The following SEC14L1 variants were observed in gnomAD, a reference collection of about 807,000 sequenced individuals.
SEC14L1 encodes the protein SEC14-like protein 1.
Under a neutral mutation model 85.3 loss-of-function variants are expected in SEC14L1, and 48 were observed. The ratio of observed to expected loss-of-function variants is 0.56; its 90% CI spans 0.45 to 0.72. The LOEUF (loss-of-function observed/expected upper bound fraction) is 0.72, where lower values mean the gene tolerates loss of function less well. SEC14L1 is among the 30% of genes least tolerant of loss of function. The pLI, the probability that SEC14L1 is intolerant of heterozygous loss-of-function variation, is 0.00. For synonymous variants in SEC14L1, 391 were observed against 355.5 expected, an observed-to-expected ratio of 1.10 and a Z score of -1.12; for missense variants, 682 against 921.4, an observed-to-expected ratio of 0.74 and a Z score of 3.36.
rs572127062 is a variant in SEC14L1, at chr17:77,208,069, C to T, written c.1476+1207C>T. 2.6e-5 allele frequency among the ~76,000 whole-genome samples: 4 copies of T among 152,252 alleles called. No individual in the cohort carries two copies. The East Asian group carries it at 7.7e-4, about 29-fold the overall frequency. The stretch of plus-strand genomic sequence containing the variant: ...TAGTCATCCTTCATATGAAAAGTTA[C>T]CCGTTTGGAATGTGTACCCACTGGG... On this transcript the variant is annotated intron_variant, in intron 13 of 16. Transcript: ENST00000436233.
chr17:77,172,808 T>C (rs1974573915), intron 3 of SEC14L1, among the ~76,000 whole-genome samples: 1 of 152,210 alleles, frequency 6.6e-6, no homozygotes, highest in Non-Finnish European at 1.5e-5. Context: ...GGGAATGTTT[T>C]GGATGCGGAA....
intron 9 of SEC14L1, among the ~76,000 whole-genome samples, chr17:77,201,121 G>T (rs1164650307): frequency 1.3e-5 from 2 of 152,176 alleles, no homozygotes; most frequent in Admixed American, 6.5e-5. Context: ...TCTGCTTTGG[G>T]AGTAAGTAAG....
intron 11 of SEC14L1, among the ~76,000 whole-genome samples, chr17:77,205,887 T>C (rs528984213): frequency 3.3e-5 from 5 of 152,276 alleles, no homozygotes; most frequent in African/African-American, 1.2e-4. Context: ...ATACCAGCTG[T>C]GTGCCCTGTT....
chr17:77,165,289 C>T (rs755632086), intron 3 of SEC14L1, among the ~76,000 whole-genome samples: 8 of 152,172 alleles, frequency 5.3e-5, no homozygotes, highest in Non-Finnish European at 1.2e-4. Context: ...GGATTGAGGA[C>T]GTGCCTGTGA....
At chr17:77,180,408 A>G (rs1974978454) in intron 3 of SEC14L1, among the ~76,000 whole-genome samples, 1 of 149,536 alleles carries the variant, frequency 6.7e-6, no homozygotes, top group Non-Finnish European at 1.5e-5. Flanking sequence ...TAATTTTAGT[A>G]TTGTCATTGT....
In SEC14L1 at chr17:77,123,092, C is replaced by T. The variant is rs529934801; in HGVS notation, c.-135-19554C>T. On this transcript the variant is annotated intron_variant, in intron 3 of 19. Transcript: ENST00000392476. ...TTGAGATGGAGTCTCACTCTATTGC[C>T]ATGCTGGAGTGCAGTGGCACGATCT... is the stretch of plus-strand genomic sequence containing the variant. Among the ~76,000 whole-genome samples, 15 of 151,672 alleles carry T rather than the reference C, an allele frequency of 9.9e-5. No homozygotes were observed. In the East Asian group the frequency reaches 2.9e-3, roughly 29 times the overall value.
chr17:77,202,083 G>A (rs574155668), intron 9 of SEC14L1, among the ~76,000 whole-genome samples: 3 of 152,262 alleles, frequency 2.0e-5, no homozygotes, highest in African/African-American at 7.2e-5. Flanking sequence ...GATACACTAT[G>A]GCCACCAAGC....
intron 3 of SEC14L1, among the ~76,000 whole-genome samples, chr17:77,128,909 G>C (rs1222688718): frequency 6.6e-6 from 1 of 152,078 alleles, no homozygotes; most frequent in Non-Finnish European, 1.5e-5. Flanking sequence ...ACAATGGTTT[G>C]CCAAGAAATT....
chr17:77,096,549 C>T (rs867529623), intron 3 of SEC14L1, among the ~76,000 whole-genome samples: 35 of 131,050 alleles, frequency 2.7e-4, no homozygotes, highest in Admixed American at 7.4e-4. Context: ...AGTGAGACTC[C>T]ATCTCAAAAA....
chr17:77,160,173 T>TA (rs1447922574), intron 3 of SEC14L1, among the ~76,000 whole-genome samples: 1 of 152,244 alleles, frequency 6.6e-6, no homozygotes, highest in Non-Finnish European at 1.5e-5. Context: ...TGAAACCAGA[T>TA]AATATTTCCA....
intron 3 of SEC14L1, among the ~76,000 whole-genome samples, chr17:77,160,323 C>T (rs2139461): frequency 0.35 from 53,189 of 152,116 alleles, 9,604 homozygotes; most frequent in South Asian, 0.43. Context: ...CGTACTCTGC[C>T]AAGTCCAGGC....
intron 3 of SEC14L1, among the ~76,000 whole-genome samples, chr17:77,116,991 C>T (rs1972183546): frequency 6.6e-6 from 1 of 152,172 alleles, no homozygotes; most frequent in Admixed American, 6.6e-5. Flanking sequence ...AATTGGCTGT[C>T]TCTGGTGTTA....
At chr17:77,129,581 G>T (rs1228483724) in intron 3 of SEC14L1, among the ~76,000 whole-genome samples, 1 of 152,106 alleles carries the variant, frequency 6.6e-6, no homozygotes, top group Non-Finnish European at 1.5e-5. Flanking sequence ...AGATTTGGGG[G>T]TCTGAATGAT....
intron 3 of SEC14L1, chr17:77,152,602 G>A (rs1240507224): frequency 6.6e-6 from 1 of 152,106 alleles, no homozygotes; most frequent in Admixed American, 6.6e-5. Flanking sequence ...TGTGGTATTG[G>A]GAAGTTTTCA....
chr17:77,100,065 G>A (rs939434367), intron 3 of SEC14L1, among the ~76,000 whole-genome samples: 1 of 152,254 alleles, frequency 6.6e-6, no homozygotes, highest in Non-Finnish European at 1.5e-5. Flanking sequence ...GGCGCTCCCA[G>A]CGGGAGCCAT....
At chr17:77,191,462 G>A (rs1015672328) in intron 5 of SEC14L1, 150 bp downstream of exon 5, 24 of 880,814 alleles carry the variant, frequency 2.7e-5, no homozygotes, top group Non-Finnish European at 4.3e-5. Flanking sequence ...TAGGAGGAAG[G>A]GTAGCAGGTG....
chr17:77,176,940 A>C (rs908672002), intron 3 of SEC14L1, among the ~76,000 whole-genome samples: 1 of 152,150 alleles, frequency 6.6e-6, no homozygotes, highest in Non-Finnish European at 1.5e-5. Context: ...TGTGTTGTAC[A>C]TGTCTTTGGA....
At chr17:77,203,993 C>G (rs769504938) in intron 10 of SEC14L1, among the ~76,000 whole-genome samples, 1 of 152,032 alleles carries the variant, frequency 6.6e-6, no homozygotes, top group Non-Finnish European at 1.5e-5. Context: ...TTCCACTGGC[C>G]CTTCGTTAAC....
In SEC14L1 at chr17:77,096,007, C is replaced by T. The variant is rs540663251; in HGVS notation, c.-136+2660C>T. Among the ~76,000 whole-genome samples the T allele has an allele frequency of 3.3e-5, 5 of 150,914 alleles. No individual in the cohort carries two copies. The South Asian group carries it at 8.4e-4, about 25-fold the overall frequency. On this transcript the variant is annotated intron_variant, in intron 3 of 19. Coordinates refer to the SEC14L1 transcript ENST00000392476. ...TGTGGCTGTCAGGAACATTCCCTGG[C>T]CTTGGCTGTCTCCTGCTGTCATTCA... is the stretch of plus-strand genomic sequence containing the variant.
Sources: allele counts gnomAD v4.1 joint callset (sites outside exome capture counted in the v4.1 genomes callset), GRCh38; gene constraint gnomAD v4.1.1; transcripts MANE v1.5; gene names NCBI Gene and HGNC (gene_info 2026-07-23, HGNC 2026-07-21).